ZNF385A: variants seen among roughly 807,000 people sequenced by gnomAD.
The protein encoded by ZNF385A is hematopoietic zinc finger protein.
Under a neutral mutation model 32.1 loss-of-function variants are expected in ZNF385A, and 14 were observed. The observed-to-expected ratio is 0.44, with a 90% confidence interval of 0.29 to 0.68. ZNF385A has a LOEUF of 0.68. Among genes scored for constraint, ZNF385A ranks in the 30% least tolerant of loss-of-function variants. ZNF385A has a pLI of 0.14. For missense variants in ZNF385A, 406 were observed against 478.4 expected, an observed-to-expected ratio of 0.85 and a Z score of 1.41; for synonymous variants, 197 against 202.7, an observed-to-expected ratio of 0.97 and a Z score of 0.24.
intron 1 of ZNF385A, among the ~76,000 whole-genome samples, chr12:54,380,970 G>A (rs538217839): frequency 5.9e-4 from 90 of 152,122 alleles, no homozygotes; most frequent in Non-Finnish European, 1.2e-3. Context: ...GGCTGAGTCG[G>A]GCGGATCACA....
At chr12:54,385,759 G>T, upstream of ZNF385A, 4 of 730,744 alleles carry the variant, frequency 5.5e-6, no homozygotes, top group Non-Finnish European at 6.7e-6. Context: ...CCCTTCCCTT[G>T]GTTCTGCCCT....
At chr12:54,374,260 G>T in intron 2 of ZNF385A, 125 bp from the exon 3 acceptor site, 1 of 865,240 alleles carries the variant, frequency 1.2e-6, no homozygotes, top group Non-Finnish European at 1.6e-6. Flanking sequence ...GTACACCAGT[G>T]AGATGTAAAG....
intron 1 of ZNF385A, among the ~76,000 whole-genome samples, chr12:54,380,340 C>T (rs1406837149): frequency 6.6e-6 from 1 of 152,206 alleles, no homozygotes; most frequent in Non-Finnish European, 1.5e-5. Flanking sequence ...TTATTATCTT[C>T]ATTTTATAGA....
chr12:54,377,203 G>C (rs1311160467), intron 1 of ZNF385A, among the ~76,000 whole-genome samples: 1 of 152,162 alleles, frequency 6.6e-6, no homozygotes, highest in Non-Finnish European at 1.5e-5. Context: ...TTAATGTCAG[G>C]AAATGGGCTT....
intron 1 of ZNF385A, among the ~76,000 whole-genome samples, chr12:54,391,072 A>C (rs909922596): frequency 6.6e-6 from 1 of 151,958 alleles, no homozygotes; most frequent in African/African-American, 2.4e-5. Context: ...GAAGAGGGGA[A>C]GAGGGGACCC....
intron 1 of ZNF385A, among the ~76,000 whole-genome samples, chr12:54,390,434 A>C (rs2700160): frequency 0.08 from 12,217 of 151,880 alleles, 1,343 homozygotes; most frequent in African/African-American, 0.25. Context: ...CATCCCCCAT[A>C]CTTACCCTCT....
chr12:54,377,343 T>C (rs1954899687), intron 1 of ZNF385A, among the ~76,000 whole-genome samples: 1 of 152,156 alleles, frequency 6.6e-6, no homozygotes, highest in African/African-American at 2.4e-5. Flanking sequence ...TACTCTTGGT[T>C]GGAAAGAAGC....
chr12:54,375,432 T>C (rs1025966360), intron 2 of ZNF385A, among the ~76,000 whole-genome samples: 1 of 152,052 alleles, frequency 6.6e-6, no homozygotes, highest in African/African-American at 2.4e-5. Flanking sequence ...AGGAGGAGTT[T>C]AGCAGAGGCC....
intron 4 of ZNF385A, 56 bp downstream of exon 4, chr12:54,371,417 G>A: frequency 6.4e-7 from 1 of 1,573,280 alleles, no homozygotes; most frequent in Non-Finnish European, 8.6e-7. Context: ...TTAGGATGTA[G>A]AGGCAGGGGT....
intron 1 of ZNF385A, among the ~76,000 whole-genome samples, chr12:54,380,180 A>T (rs1955073511): frequency 6.6e-6 from 1 of 152,232 alleles, no homozygotes; most frequent in Admixed American, 6.5e-5. Context: ...GTGCCAGTCC[A>T]CTGGGAAAGA....
At chr12:54,387,511 CA>C (rs1335798544), upstream of ZNF385A, among the ~76,000 whole-genome samples, 2 of 152,238 alleles carry the variant, frequency 1.3e-5, no homozygotes, top group Non-Finnish European at 2.9e-5. Context: ...CTGAGGCTAA[CA>C]ATAGTTGCCG....
chr12:54,370,631 G>T lies in ZNF385A; in HGVS notation c.865C>A (p.Leu289Met). Reference protein sequence around the residue: ...RHKKSRGAGELAGTLTFSKEL... With the variant: ...RHKKSRGAGEMAGTLTFSKEL... Reference sequence around the variant, plus strand: ...TCCCAGCATCCAGGCCTCACCGCCAGCTCCCCGGCGCCCCTAGACTTCTTG... The same window carrying T: ...TCCCAGCATCCAGGCCTCACCGCCATCTCCCCGGCGCCCCTAGACTTCTTG... The change falls in exon 6 of 7, where the codon CTG becomes ATG. Residue 289 changes from leucine (L) to methionine (M), a missense_variant. Leu to Met is a conservative substitution (Grantham distance 15). Coordinates refer to ENST00000394313, the MANE Select transcript of ZNF385A (RefSeq NM_015481.3). The surrounding 1 kb of genome is among the most constrained non-coding windows in gnomAD (Gnocchi z 5.5). 6.2e-7 allele frequency: 1 copy of T among 1,600,104 alleles called. No individual in the cohort carries two copies.
intron 1 of ZNF385A, among the ~76,000 whole-genome samples, chr12:54,383,313 T>C (rs145563634): frequency 2.6e-5 from 4 of 152,338 alleles, no homozygotes; most frequent in African/African-American, 7.2e-5. Flanking sequence ...GCCTGAATGC[T>C]GGAGTCATCC....
chr12:54,384,408 G>A lies in ZNF385A; in HGVS notation c.87+20C>T. 1 of 1,565,786 alleles carries A rather than the reference G, an allele frequency of 6.4e-7. No individual in the cohort carries two copies. The highest frequency in any genetic ancestry group is 8.7e-7 in the Non-Finnish European group (1 of 1,155,178). On this transcript the variant is annotated intron_variant, in intron 1 of 6. Transcript: ENST00000394313. ...GTCGGGTCACAAGAGGATGGAGAAG[G>A]CAGGCAGGCTGCTACTTACGGTGCT...
chr12:54,374,204 C>T lies in ZNF385A; in HGVS notation c.199-69G>A, dbSNP rs1048332652. 9.1e-5 allele frequency: 127 copies of T among 1,392,230 alleles called. 2 individuals carry two copies. The Middle Eastern group carries it at 1.1e-3, about 12-fold the overall frequency. 86.2% of individuals were successfully genotyped at this position (1,392,230 alleles called of 1,614,324 possible). The stretch of plus-strand genomic sequence containing the variant: ...ATCTGACCGATCTCCCCACAGAGCT[C>T]CCTCAAGTCCTGGGGTGATCTCAGC... On this transcript the variant is annotated intron_variant, in intron 2 of 6. Transcript: ENST00000394313.
intron 3 of ZNF385A, among the ~76,000 whole-genome samples, chr12:54,373,537 G>A (rs1410769265): frequency 1.3e-5 from 2 of 151,184 alleles, no homozygotes; most frequent in Non-Finnish European, 2.9e-5. Context: ...TACTACCCAA[G>A]ATCATCCAGG....
At chr12:54,373,177 T>TG (rs1211684655) in intron 3 of ZNF385A, 1 of 132,074 alleles carries the variant, frequency 7.6e-6, no homozygotes, top group Non-Finnish European at 1.5e-5. Context: ...GTATTGAGAA[T>TG]GGGGTCCTGG....
chr12:54,377,978 T>C (rs958123652), intron 1 of ZNF385A, among the ~76,000 whole-genome samples: 90 of 152,220 alleles, frequency 5.9e-4, no homozygotes, highest in Non-Finnish European at 5.9e-5. Flanking sequence ...ACTTGTGGAC[T>C]GGCCACCCCA....
At position 54,370,508 on chromosome 12, in the gene ZNF385A, G is replaced by A; in HGVS notation, c.871-22C>T. 4 of 1,550,980 alleles carry A rather than the reference G, an allele frequency of 2.6e-6. No individual in the cohort carries two copies. The Middle Eastern group carries it at 5.0e-4, about 194-fold the overall frequency. ...TGCCCTGAAGCGGGCGAAAGGCGGA[G>A]GAAGAGAAGTCACCCGGCGGTCCTG... On this transcript the variant is annotated intron_variant, in intron 6 of 6. Transcript: ENST00000394313. This position sits in a 1 kb window ranked among gnomAD's most constrained non-coding sequence, Gnocchi z 5.5.
Sources: allele counts gnomAD v4.1 joint callset (sites outside exome capture counted in the v4.1 genomes callset), GRCh38; gene constraint gnomAD v4.1.1; non-coding constraint Gnocchi (gnomAD v3.1); transcripts MANE v1.5; gene names NCBI Gene and HGNC (gene_info 2026-07-23, HGNC 2026-07-21).